The following SYNE1 variants were observed in gnomAD, a reference collection of about 807,000 sequenced individuals.
SYNE1 encodes spectrin repeat containing nuclear envelope protein 1.
Under a neutral mutation model 1,111.0 loss-of-function variants are expected in SYNE1, and 616 were observed. The ratio of observed to expected loss-of-function variants is 0.55; its 90% CI spans 0.52 to 0.59. SYNE1 has a LOEUF of 0.59. Ranked by LOEUF, SYNE1 falls within the 20% of genes least tolerant of loss-of-function variation. The probability of loss-of-function intolerance (pLI) is 0.00; values close to 1 mark genes in which losing one functional copy is unlikely to be tolerated. For missense variants in SYNE1, 10,006 were observed against 10,417.0 expected, an observed-to-expected ratio of 0.96 and a Z score of 1.72; for synonymous variants, 3,855 against 3,825.8, an observed-to-expected ratio of 1.01 and a Z score of -0.28.
chr6:152,143,982 C>T (rs764764915), intron 137 of SYNE1: 5 of 616,084 alleles, frequency 8.1e-6, no homozygotes, highest in African/African-American at 5.5e-5. Context: ...CCTAGCAGAT[C>T]GGACGTCGCA....
At chr6:152,398,486 A>G in intron 49 of SYNE1, 133 bp downstream of exon 49, 2 of 755,510 alleles carry the variant, frequency 2.6e-6, no homozygotes, top group Non-Finnish European at 4.7e-6. Context: ...CTTCTGACTC[A>G]ATCAGCCTAA....
At chr6:152,123,498 A>G (rs1256911846) in intron 145 of SYNE1, among the ~76,000 whole-genome samples, 4 of 152,222 alleles carry the variant, frequency 2.6e-5, no homozygotes, top group African/African-American at 9.6e-5. Context: ...TTAGAGATTG[A>G]GTACAGGTTT....
intron 4 of SYNE1, among the ~76,000 whole-genome samples, chr6:152,532,744 T>C (rs2099210522): frequency 1.3e-5 from 2 of 152,174 alleles, no homozygotes; most frequent in Non-Finnish European, 2.9e-5. Context: ...GATAAACCAC[T>C]ACTTCTGGTT....
At chr6:152,579,461 A>T (rs2128402170) in intron 3 of SYNE1, among the ~76,000 whole-genome samples, 1 of 152,366 alleles carries the variant, frequency 6.6e-6, no homozygotes, top group Admixed American at 6.5e-5. Context: ...GAGAGCTTTC[A>T]GAAGATTCCA....
intron 56 of SYNE1, chr6:152,380,616 TTCAA>T (rs1045384743): frequency 3.6e-6 from 1 of 279,084 alleles, no homozygotes; most frequent in African/African-American, 2.3e-5. Flanking sequence ...AGGCTATAAA[TTCAA>T]TCATTTAGTT....
chr6:152,562,358 T>G (rs1391192936), intron 3 of SYNE1, among the ~76,000 whole-genome samples: 1 of 152,164 alleles, frequency 6.6e-6, no homozygotes, highest in Non-Finnish European at 1.5e-5. Context: ...CATCACCTCA[T>G]GCATTAGGAT....
In SYNE1 at chr6:152,189,328, A is replaced by T. The variant is rs1278602361; in HGVS notation, c.23225T>A (p.Ile7742Asn). ...SLLKDTLSAY[I>N]SADDISILNE... Reference sequence around the variant, plus strand: ...AAGAATGGAGATATCATCAGCACTGATATAGGCAGAGAGGGTGTCCTTCAG... The same window carrying T: ...AAGAATGGAGATATCATCAGCACTGTTATAGGCAGAGAGGGTGTCCTTCAG... Residue 7742 changes from isoleucine (I) to asparagine (N), a missense_variant, in exon 128 of 146, where the codon ATC (isoleucine) becomes AAC (asparagine). Coordinates refer to ENST00000367255, the MANE Select transcript of SYNE1 (RefSeq NM_182961.4). 1 of 1,614,122 alleles carries T rather than the reference A, an allele frequency of 6.2e-7. No individual in the cohort carries two copies. Among genetic ancestry groups the T allele is most frequent in the South Asian group, 1.1e-5 (1 of 91,084 alleles).
intron 3 of SYNE1, among the ~76,000 whole-genome samples, chr6:152,625,985 G>A (rs1458692496): frequency 6.6e-6 from 1 of 152,196 alleles, no homozygotes; most frequent in African/African-American, 2.4e-5. Flanking sequence ...ACACGTAGAT[G>A]TTAAATAGGG....
intron 72 of SYNE1, among the ~76,000 whole-genome samples, chr6:152,349,609 C>T (rs2096706950): frequency 6.6e-6 from 1 of 152,200 alleles, no homozygotes; most frequent in Admixed American, 6.5e-5. Context: ...CGCGAGGATT[C>T]AACTCTTCTT....
chr6:152,262,310 T>C, intron 100 of SYNE1, 122 bp from the exon 101 acceptor site: 1 of 904,112 alleles, frequency 1.1e-6, no homozygotes. Flanking sequence ...GTTATTAGCT[T>C]ACACTTTAAA....
Position 152,230,565 on chromosome 6 carries a change from A to C in SYNE1, c.21177T>G (p.Asn7059Lys). Residue 7059 changes from asparagine (N) to lysine (K), a missense_variant, in exon 115 of 146, where the codon AAT becomes AAG. Asn to Lys is a moderately conservative substitution (Grantham distance 94). Transcript: ENST00000367255. ...AAGTTACCTGACAGTCTTTCAGTGC[A>C]TTTTGAACAGAAGCCTGATCTCCAA... Reference protein sequence around the residue: ...HRIGDQASVQNALKDCQDLED... With the variant: ...HRIGDQASVQKALKDCQDLED... 6.2e-7 allele frequency: 1 copy of C among 1,614,110 alleles called. No homozygotes were observed. Among genetic ancestry groups the C allele is most frequent in the Non-Finnish European group, 8.5e-7 (1 of 1,179,974 alleles).
At chr6:152,139,895 C>T (rs957099347) in intron 140 of SYNE1, 55 bp downstream of exon 140, 33 of 1,584,230 alleles carry the variant, frequency 2.1e-5, no homozygotes, top group Admixed American at 8.7e-5. Context: ...TCTGCACGGT[C>T]GTTCACGCGG....
intron 117 of SYNE1, 135 bp from the exon 118 acceptor site, chr6:152,221,694 C>A: frequency 9.1e-7 from 1 of 1,097,294 alleles, no homozygotes; most frequent in Non-Finnish European, 1.3e-6. Context: ...AGCACCAATG[C>A]TTTATCAGCT....
intron 14 of SYNE1, among the ~76,000 whole-genome samples, chr6:152,474,869 A>T (rs753640305): frequency 1.3e-5 from 2 of 152,206 alleles, no homozygotes; most frequent in Non-Finnish European, 2.9e-5. Context: ...AAGAAAAATG[A>T]GGAAGGAGAC....
Position 152,268,077 on chromosome 6 carries a change from G to A in SYNE1, c.18794C>T (p.Ala6265Val). 1 of 1,613,892 alleles carries A rather than the reference G, an allele frequency of 6.2e-7. No individual in the cohort carries two copies. The highest frequency in any genetic ancestry group is 1.7e-4 in the Middle Eastern group (1 of 6,058). The stretch of plus-strand genomic sequence containing the variant: ...ATACCCAGCATCACCAGAGGTCTCT[G>A]CCGCCGAATGTTGAATTAGAATCTC... ...GEEILIQHSAAETSGDAGEKP... is the reference protein window; with the variant it reads ...GEEILIQHSAVETSGDAGEKP... Residue 6265 changes from alanine to valine, a missense_variant, in exon 100 of 146, where the codon GCA becomes GTA. Ala to Val is a moderately conservative substitution (Grantham distance 64). Transcript: ENST00000367255.
At chr6:152,359,259 C>T in intron 65 of SYNE1, 56 bp downstream of exon 65, 2 of 1,610,402 alleles carry the variant, frequency 1.2e-6, no homozygotes, top group Non-Finnish European at 1.7e-6. Context: ...TTTAAAGGAG[C>T]ACAGCTCCAA....
intron 130 of SYNE1, among the ~76,000 whole-genome samples, chr6:152,174,432 A>G (rs143609819): frequency 0.013 from 1,981 of 152,194 alleles, 25 homozygotes; most frequent in Non-Finnish European, 0.018. Flanking sequence ...CAGAGCTCCT[A>G]TTTATCTCAT....
rs375871907 is a variant in SYNE1, at chr6:152,183,956, C to T, written c.23302-3662G>A. 1.6e-4 allele frequency among the ~76,000 whole-genome samples: 24 copies of T among 151,560 alleles called. 2 individuals carry two copies. Among genetic ancestry groups the T allele is most frequent in the Admixed American group, 1.1e-3 (17 of 15,254 alleles). Reference sequence around the variant, plus strand: ...TAGTTCATCCATCACTGACTAACTGCATGATCAGGACAAGGTCCCTCATTT... The same window carrying T: ...TAGTTCATCCATCACTGACTAACTGTATGATCAGGACAAGGTCCCTCATTT... On this transcript the variant is annotated intron_variant, in intron 128 of 145. Coordinates refer to ENST00000367255, the MANE Select transcript of SYNE1 (RefSeq NM_182961.4).
At chr6:152,272,387 T>C (rs2093281218) in intron 98 of SYNE1, among the ~76,000 whole-genome samples, 1 of 152,234 alleles carries the variant, frequency 6.6e-6, no homozygotes, top group African/African-American at 2.4e-5. Flanking sequence ...AACTTTATTT[T>C]GGAAATACTA....
Sources: allele counts gnomAD v4.1 joint callset (sites outside exome capture counted in the v4.1 genomes callset), GRCh38; gene constraint gnomAD v4.1.1; transcripts MANE v1.5; gene names NCBI Gene and HGNC (gene_info 2026-07-23, HGNC 2026-07-21).